The following PUDP variants were observed in gnomAD, a reference collection of about 807,000 sequenced individuals.
PUDP encodes the protein pseudouridine 5'-phosphatase.
PUDP carries 8 observed loss-of-function variants against 9.4 expected under a neutral mutation model. That is an observed-to-expected ratio of 0.85 (90% confidence interval 0.50 to 1.53). PUDP has a LOEUF of 1.53. PUDP is among the 40% of genes most tolerant of loss of function. The pLI, the probability that PUDP is intolerant of heterozygous loss-of-function variation, is 0.00. For missense variants in PUDP, 188 were observed against 189.7 expected (o/e 0.99, Z 0.05); for synonymous variants, 99 against 80.7 (o/e 1.23, Z -1.22).
Position 7,049,894 on chromosome X carries a change from T to C in PUDP, c.*402A>G. 8.0e-6 allele frequency: 1 copy of C among 125,055 alleles called. No individual in the cohort carries two copies. Among genetic ancestry groups the C allele is most frequent in the Non-Finnish European group, 1.6e-5 (1 of 61,170 alleles). 10.3% of individuals were successfully genotyped at this position (125,055 alleles called of 1,213,427 possible). ...TTTTGTCTTGGAAAAGTATATATTT[T>C]ACATATACATGCATGCATATGTCTA... On this transcript the variant is annotated 3_prime_UTR_variant, in exon 4 of 4. Transcript: ENST00000381077.
At chrX:6,884,407 C>G (rs748396235) in intron 3 of PUDP, among the ~76,000 whole-genome samples, 61 of 111,775 alleles carry the variant, frequency 5.5e-4, no homozygotes, top group Non-Finnish European at 5.6e-4. Flanking sequence ...ACTGTCACCA[C>G]TTTGGGGCAA....
chrX:7,087,617 C>T (rs1426966448), intron 2 of PUDP, among the ~76,000 whole-genome samples: 2 of 112,500 alleles, frequency 1.8e-5, no homozygotes, highest in African/African-American at 3.2e-5. Context: ...ACTTGACACA[C>T]AAATTTGTGA....
chrX:6,810,448 G>A (rs760449717), intron 3 of PUDP, among the ~76,000 whole-genome samples: 35 of 111,728 alleles, frequency 3.1e-4, no homozygotes, highest in Non-Finnish European at 5.3e-4. Flanking sequence ...CATGTGTTAC[G>A]ATGCCTCCAA....
chrX:6,874,212 T>C (rs141768424), intron 3 of PUDP, among the ~76,000 whole-genome samples: 2,255 of 111,421 alleles, frequency 0.02, 61 homozygotes, highest in African/African-American at 0.07. Context: ...TTCTACCTTT[T>C]TGCCCCTTTT....
chrX:6,825,429 A>G (rs1221709427), intron 3 of PUDP, among the ~76,000 whole-genome samples: 1 of 111,473 alleles, frequency 9.0e-6, no homozygotes, highest in African/African-American at 3.3e-5. Context: ...GGCCCTTGCA[A>G]AAAGAAAATG....
chrX:7,064,550 C>T (rs1182561438), intron 3 of PUDP, among the ~76,000 whole-genome samples: 1 of 111,247 alleles, frequency 9.0e-6, no homozygotes, highest in Non-Finnish European at 1.9e-5. Context: ...GGGAGATGTG[C>T]TTCCGTAACC....
intron 3 of PUDP, among the ~76,000 whole-genome samples, chrX:6,858,659 T>C (rs1353239454): frequency 6.3e-5 from 7 of 111,879 alleles, no homozygotes; most frequent in Non-Finnish European, 9.4e-5. Flanking sequence ...CTGTTAAGTA[T>C]AGTACTTCCT....
At chrX:6,886,320 G>T (rs1361297655) in intron 3 of PUDP, among the ~76,000 whole-genome samples, 1 of 112,222 alleles carries the variant, frequency 8.9e-6, no homozygotes, top group East Asian at 2.8e-4. Context: ...TAAAGGCAAT[G>T]AGTTTAATTA....
intron 3 of PUDP, among the ~76,000 whole-genome samples, chrX:6,862,374 C>A (rs192039717): frequency 1.8e-5 from 2 of 112,251 alleles, no homozygotes; most frequent in East Asian, 5.6e-4. Flanking sequence ...ACCACCATCT[C>A]CTACACATTC....
chrX:6,826,329 T>A (rs1926422584), intron 3 of PUDP, among the ~76,000 whole-genome samples: 1 of 112,173 alleles, frequency 8.9e-6, no homozygotes, highest in African/African-American at 3.2e-5. Context: ...CATTTATTTT[T>A]TAACTTATAA....
intron 1 of PUDP, among the ~76,000 whole-genome samples, chrX:6,979,052 G>A (rs946661157): frequency 1.0e-5 from 1 of 96,115 alleles, no homozygotes. Context: ...GTTGTTTCTC[G>A]ATTAAAATTA....
At chrX:6,885,425 C>T (rs945022103) in intron 3 of PUDP, among the ~76,000 whole-genome samples, 2 of 111,864 alleles carry the variant, frequency 1.8e-5, no homozygotes, top group African/African-American at 6.5e-5. Context: ...TTGATGTACC[C>T]GTGAGAAGAG....
chrX:6,967,434 G>A (rs1928803939), intron 3 of PUDP, among the ~76,000 whole-genome samples: 1 of 111,919 alleles, frequency 8.9e-6, no homozygotes, highest in South Asian at 3.8e-4. Flanking sequence ...GAGGATCCAA[G>A]AGAATACAGC....
At chrX:6,759,736 G>A (rs895670614) in intron 3 of PUDP, among the ~76,000 whole-genome samples, 4 of 111,873 alleles carry the variant, frequency 3.6e-5, no homozygotes, top group Non-Finnish European at 5.6e-5. Context: ...GCCTCAGGAC[G>A]TGTTCCCCAG....
At chrX:6,966,777 G>C (rs1318838477) in intron 3 of PUDP, among the ~76,000 whole-genome samples, 2 of 111,094 alleles carry the variant, frequency 1.8e-5, no homozygotes, top group Non-Finnish European at 3.8e-5. Context: ...TTGAACTCCT[G>C]GCCTCAAGTG....
chrX:7,043,004 T>G (rs1258825048), intron 1 of PUDP, among the ~76,000 whole-genome samples: 4 of 111,831 alleles, frequency 3.6e-5, no homozygotes, highest in Non-Finnish European at 7.5e-5. Context: ...CAGAGGGCTG[T>G]GAACACCGGC....
rs1930278501 is a variant in PUDP, at chrX:7,057,611, T to C, written c.511-7139A>G. The C allele has an allele frequency of 1.0e-5, 11 of 1,098,828 alleles. No individual in the cohort carries two copies. The East Asian group carries it at 3.4e-4, about 34-fold the overall frequency. 90.6% of individuals were successfully genotyped at this position (1,098,828 alleles called of 1,213,427 possible). ...CCATTTTGGTGGCAGGAAGGAGAGGTAGCTTTTGTGACAAGTTGGGTTTGA... is the reference window on the plus strand; with the variant it reads ...CCATTTTGGTGGCAGGAAGGAGAGGCAGCTTTTGTGACAAGTTGGGTTTGA... On this transcript the variant is annotated intron_variant, in intron 3 of 3. Coordinates refer to ENST00000381077, the MANE Select transcript of PUDP (RefSeq NM_012080.5).
chrX:6,938,720 A>G (rs778354510), intron 3 of PUDP, among the ~76,000 whole-genome samples: 1 of 108,318 alleles, frequency 9.2e-6, no homozygotes, highest in South Asian at 4.0e-4. Context: ...CAGGAGTCGC[A>G]TGAATTATGC....
At chrX:6,988,904 C>T (rs1043764700) in intron 1 of PUDP, among the ~76,000 whole-genome samples, 1 of 111,623 alleles carries the variant, frequency 9.0e-6, no homozygotes, top group African/African-American at 3.3e-5. Flanking sequence ...TAATATTTAA[C>T]TTCACCACTC....
Sources: gnomAD v4.1 joint callset for allele counts (sites outside exome capture counted in the v4.1 genomes callset) on GRCh38, gnomAD v4.1.1 for gene constraint, MANE v1.5 for transcripts, NCBI Gene and HGNC (gene_info 2026-07-23, HGNC 2026-07-21) for gene names.